The following MORF4L1 variants were observed in gnomAD, a reference collection of about 807,000 sequenced individuals.
MORF4L1 encodes mortality factor 4-like protein 1.
In MORF4L1, 4 loss-of-function variants were observed where a neutral mutation model predicts 52.9. That is an observed-to-expected ratio of 0.08 (90% CI 0.04 to 0.17). MORF4L1 has a LOEUF of 0.17. Among genes scored for constraint, MORF4L1 ranks in the 10% least tolerant of loss-of-function variants. The probability of loss-of-function intolerance (pLI) is 1.00; values close to 1 mark genes in which losing one functional copy is unlikely to be tolerated. For synonymous variants in MORF4L1, 123 were observed against 134.8 expected, an observed-to-expected ratio of 0.91 and a Z score of 0.61; for missense variants, 214 against 390.4, an observed-to-expected ratio of 0.55 and a Z score of 3.81.
chr15:78,880,288 T>G (rs781252412), intron 2 of MORF4L1, among the ~76,000 whole-genome samples: 1 of 152,252 alleles, frequency 6.6e-6, no homozygotes, highest in African/African-American at 2.4e-5. Context: ...ATCCATTGAT[T>G]AAAGATTTAA....
intron 4 of MORF4L1, among the ~76,000 whole-genome samples, chr15:78,886,558 G>A (rs766646158): frequency 1.3e-5 from 2 of 152,154 alleles, no homozygotes; most frequent in Non-Finnish European, 2.9e-5. Context: ...AGCAAACGAG[G>A]CATTTCCTAT....
intron 3 of MORF4L1, among the ~76,000 whole-genome samples, chr15:78,885,366 C>G (rs981530082): frequency 2.0e-5 from 3 of 152,130 alleles, no homozygotes; most frequent in African/African-American, 4.8e-5. Flanking sequence ...AACACATAAT[C>G]AGAAATTGTG....
In MORF4L1 at chr15:78,894,207, C is replaced by T. The variant is rs759002354; in HGVS notation, c.779C>T (p.Ala260Val). The T allele has an allele frequency of 5.0e-6, 8 of 1,610,488 alleles. No homozygotes were observed. The African/African-American group carries it at 5.4e-5, about 11-fold the overall frequency. Reference sequence around the variant, plus strand: ...GCACCCATGTCCCAGGTGTATGGAGCGCCACATCTCCTGAGATTATTTGGT... The same window carrying T: ...GCACCCATGTCCCAGGTGTATGGAGTGCCACATCTCCTGAGATTATTTGGT... ...PDAPMSQVYG[A>V]PHLLRLFVRI... Residue 260 changes from alanine to valine, a missense_variant, in exon 10 of 12, where the codon GCG becomes GTG. Physicochemically the swap from Ala to Val is moderately conservative, Grantham distance 64. Around this residue, in one of 5 missense-constraint regions of MORF4L1, gnomAD observed 68 missense variants for 171.6 expected, o/e 0.40. Coordinates refer to ENST00000426013, the MANE Select transcript of MORF4L1 (RefSeq NM_006791.4).
intron 3 of MORF4L1, among the ~76,000 whole-genome samples, chr15:78,881,045 A>G (rs923414810): frequency 6.6e-6 from 1 of 152,094 alleles, no homozygotes; most frequent in Admixed American, 6.5e-5. Flanking sequence ...AAATAAAGAC[A>G]GAATTTACCA....
In MORF4L1 at chr15:78,895,817, C is replaced by T. The variant is rs116301493; in HGVS notation, c.887+913C>T. On this transcript the variant is annotated intron_variant, in intron 11 of 11. Transcript: ENST00000426013. Reference sequence around the variant, plus strand: ...TGTATATGAATTTTCTCATTACAATCGTTTTACAGTAAATTTAAAACTGCA... The same window carrying T: ...TGTATATGAATTTTCTCATTACAATTGTTTTACAGTAAATTTAAAACTGCA... Among the ~76,000 whole-genome samples the T allele has an allele frequency of 3.7e-3, 557 of 152,200 alleles. 3 individuals carry two copies. Among genetic ancestry groups the T allele is most frequent in the African/African-American group, 0.013 (538 of 41,518 alleles).
intron 11 of MORF4L1, 84 bp downstream of exon 11, chr15:78,894,988 T>A: frequency 9.2e-7 from 1 of 1,089,018 alleles, no homozygotes; most frequent in Non-Finnish European, 1.4e-6. Context: ...GCTAAAACAT[T>A]AAACATTATA....
chr15:78,884,660 TACACACACACACAC>T (rs67970418), intron 3 of MORF4L1, among the ~76,000 whole-genome samples: 203 of 130,712 alleles, frequency 1.6e-3, no homozygotes, highest in African/African-American at 5.6e-3. Context: ...AAAAAAAAAA[TACACACACACACAC>T]ACACACACAC....
chr15:78,890,909 A>C (rs979833209), intron 5 of MORF4L1, 80 bp from the exon 6 acceptor site: 1 of 1,269,960 alleles, frequency 7.9e-7, no homozygotes, highest in Non-Finnish European at 1.0e-6. Context: ...TTCTCTGTGA[A>C]CTTAACCCTG....
intron 5 of MORF4L1, chr15:78,887,587 C>G (rs918597066): frequency 1.4e-5 from 5 of 348,486 alleles, no homozygotes; most frequent in African/African-American, 8.5e-5. Flanking sequence ...GATGTTTTCT[C>G]TTACAAAGAT....
intron 1 of MORF4L1, among the ~76,000 whole-genome samples, chr15:78,874,600 TTTG>T (rs1416331245): frequency 1.0e-4 from 15 of 145,984 alleles, no homozygotes; most frequent in African/African-American, 2.8e-4. Context: ...TTTTTTTTTT[TTTG>T]TATTTTTGGT....
intron 2 of MORF4L1, among the ~76,000 whole-genome samples, chr15:78,879,964 A>G (rs1188425219): frequency 3.3e-5 from 5 of 152,224 alleles, no homozygotes; most frequent in African/African-American, 1.2e-4. Context: ...GTTTTCTCTT[A>G]AAGACTTTTA....
rs1596246578 is a variant in MORF4L1, at chr15:78,886,346, T to G, written c.242+119T>G. The stretch of plus-strand genomic sequence containing the variant: ...GCCTATAAAATGATTCCTGGTACCT[T>G]TCAGCTGCTGTGTTACAGCTTTGAC... On this transcript the variant is annotated intron_variant, in intron 4 of 11. Transcript: ENST00000426013. 8 of 862,268 alleles carry G rather than the reference T, an allele frequency of 9.3e-6. No homozygotes were observed. In the East Asian group the frequency reaches 2.1e-4, roughly 23 times the overall value. 53.4% of individuals were successfully genotyped at this position (862,268 alleles called of 1,614,324 possible). A position where few individuals can be genotyped will look rare whatever the true frequency, so the allele number is the denominator to read the frequency against.
At chr15:78,876,363 T>C in intron 1 of MORF4L1, 2 of 315,452 alleles carry the variant, frequency 6.3e-6, no homozygotes, top group South Asian at 5.3e-5. Flanking sequence ...TCTTAAGGCA[T>C]AGTGATTGCT....
rs1293745238 is a variant in MORF4L1, at chr15:78,886,150, A to G, written c.165A>G (p.Glu55=). ...CTTTCCTCTTTTTCAGTTGGGATGA[A>G]TGGGTTCCGGAGAGCAGAGTACTCA... is the stretch of plus-strand genomic sequence containing the variant. ...HYSGWNKNWD[E]WVPESRVLKY... Residue 55 remains glutamate, a synonymous_variant, in exon 4 of 12, where the codon GAA becomes GAG. Coordinates refer to ENST00000426013, the MANE Select transcript of MORF4L1 (RefSeq NM_006791.4). 1.4e-5 allele frequency: 22 copies of G among 1,613,596 alleles called. No homozygotes were observed. The highest frequency in any genetic ancestry group is 3.3e-4 in the Middle Eastern group (2 of 6,084).
intron 7 of MORF4L1, 92 bp downstream of exon 7, chr15:78,891,664 T>G: frequency 9.6e-7 from 1 of 1,043,138 alleles, no homozygotes; most frequent in Non-Finnish European, 1.4e-6. Flanking sequence ...TCTACAAGAT[T>G]TGCTTACATG....
intron 10 of MORF4L1, 58 bp from the exon 11 acceptor site, chr15:78,894,762 A>G (rs1458323294): frequency 2.4e-6 from 3 of 1,266,768 alleles, no homozygotes; most frequent in East Asian, 2.3e-5. Context: ...ATTAAAATAC[A>G]TGGTTGTAGT....
chr15:78,889,903 C>A (rs2056769477), intron 5 of MORF4L1, among the ~76,000 whole-genome samples: 1 of 152,032 alleles, frequency 6.6e-6, no homozygotes, highest in Non-Finnish European at 1.5e-5. Context: ...TAAACTGTTT[C>A]CTTTGTGGTC....
At position 78,872,927 on chromosome 15, in the gene MORF4L1, G is replaced by GCC. The variant is rs2056393250; in HGVS notation, c.-91_-90insCC. 2.0e-6 allele frequency: 3 copies of GCC among 1,510,364 alleles called. No individual in the cohort carries two copies. Among genetic ancestry groups the GCC allele is most frequent in the Non-Finnish European group, 2.7e-6 (3 of 1,130,232 alleles). 93.6% of individuals were successfully genotyped at this position (1,510,364 alleles called of 1,614,324 possible). On this transcript the variant is annotated 5_prime_UTR_variant, in exon 1 of 12. Coordinates refer to ENST00000426013, the MANE Select transcript of MORF4L1 (RefSeq NM_006791.4). Reference sequence around the variant, plus strand: ...GGATGTAGAGCTGGCAGTGCCTGACGGCGCGTCTGACGCGGAGTTGGGTGG... The same window carrying GCC: ...GGATGTAGAGCTGGCAGTGCCTGACGCCGCGCGTCTGACGCGGAGTTGGGTGG...
Position 78,898,052 on chromosome 15 carries a change from T to C in MORF4L1, c.*985T>C, listed in dbSNP as rs775870240. The C allele has an allele frequency of 6.6e-6, 1 of 152,250 alleles. No individual in the cohort carries two copies. Among genetic ancestry groups the C allele is most frequent in the African/African-American group, 2.4e-5 (1 of 41,468 alleles). 9.4% of individuals were successfully genotyped at this position (152,250 alleles called of 1,614,324 possible). A position where few individuals can be genotyped will look rare whatever the true frequency, so the allele number is the denominator to read the frequency against. Reference sequence around the variant, plus strand: ...CAGCTTTTTTCTGTCTATAATTGTTTACTTTTGTGGGTTTACTCTAGAAAC... The same window carrying C: ...CAGCTTTTTTCTGTCTATAATTGTTCACTTTTGTGGGTTTACTCTAGAAAC... On this transcript the variant is annotated 3_prime_UTR_variant, in exon 12 of 12. Transcript: ENST00000426013.
Sources: gnomAD v4.1 joint callset for allele counts (sites outside exome capture counted in the v4.1 genomes callset) on GRCh38, gnomAD v4.1.1 for gene constraint, gnomAD v4.1.1 regional missense constraint, MANE v1.5 for transcripts, NCBI Gene and HGNC (gene_info 2026-07-23, HGNC 2026-07-21) for gene names.